The following SKA2 variants were observed in gnomAD, a reference collection of about 807,000 sequenced individuals.
SKA2 encodes the protein spindle and kinetochore-associated protein 2.
A neutral mutation model predicts 16.9 loss-of-function variants in SKA2; 13 were observed. The ratio of observed to expected loss-of-function variants is 0.77; its 90% confidence interval spans 0.50 to 1.22. SKA2 has a LOEUF of 1.22. SKA2 is among the 50% of genes most tolerant of loss of function. The pLI is 0.00. For synonymous variants in SKA2, 47 were observed against 48.5 expected (o/e 0.97, Z 0.13); for missense variants, 107 against 139.7 (o/e 0.77, Z 1.18).
chr17:59,150,084 CTG>C (rs1018037525), intron 1 of SKA2, among the ~76,000 whole-genome samples: 5 of 152,268 alleles, frequency 3.3e-5, no homozygotes, highest in African/African-American at 1.2e-4. Flanking sequence ...GGTTACATGA[CTG>C]TATACATTTG....
intron 2 of SKA2, chr17:59,129,358 T>TAC (rs57908900): frequency 0.27 from 36,846 of 136,626 alleles, 5,059 homozygotes; most frequent in Middle Eastern, 0.39. Flanking sequence ...TAAACACACA[T>TAC]ACACACACAC....
At chr17:59,139,548 C>T (rs1407227233) in intron 1 of SKA2, among the ~76,000 whole-genome samples, 1 of 151,774 alleles carries the variant, frequency 6.6e-6, no homozygotes, top group East Asian at 1.9e-4. Flanking sequence ...TGAGTGCTCA[C>T]TATGTTGCCC....
chr17:59,116,435 TTTC>T (rs2046296573), intron 3 of SKA2, among the ~76,000 whole-genome samples: 1 of 152,184 alleles, frequency 6.6e-6, no homozygotes, highest in Non-Finnish European at 1.5e-5. Flanking sequence ...TGTCTTTTTT[TTTC>T]TTCTTTTGTC....
intron 1 of SKA2, among the ~76,000 whole-genome samples, chr17:59,142,721 G>T (rs1485209968): frequency 6.6e-6 from 1 of 151,594 alleles, no homozygotes; most frequent in African/African-American, 2.4e-5. Context: ...GAGGTCAGAG[G>T]TTCAAGGCCA....
intron 1 of SKA2, among the ~76,000 whole-genome samples, chr17:59,147,849 T>A (rs1297897580): frequency 6.6e-6 from 1 of 151,834 alleles, no homozygotes; most frequent in African/African-American, 2.4e-5. Context: ...AAAAAAAATT[T>A]TTTTTTTATT....
chr17:59,154,702 G>T (rs1401550113), intron 1 of SKA2, among the ~76,000 whole-genome samples: 1 of 152,034 alleles, frequency 6.6e-6, no homozygotes. Context: ...ATTTCTCCTC[G>T]CCCCCGTCAG....
At chr17:59,145,135 A>G (rs900421202) in intron 1 of SKA2, among the ~76,000 whole-genome samples, 4 of 152,172 alleles carry the variant, frequency 2.6e-5, no homozygotes, top group African/African-American at 7.2e-5. Context: ...GGTTATGGAG[A>G]TGGATGATGG....
At chr17:59,134,488 T>A (rs2046430675) in intron 1 of SKA2, among the ~76,000 whole-genome samples, 1 of 152,172 alleles carries the variant, frequency 6.6e-6, no homozygotes, top group Admixed American at 6.6e-5. Flanking sequence ...AACTTACATA[T>A]TTTTTAACTT....
At chr17:59,155,014 C>T (rs1599685509) in intron 1 of SKA2, 117 bp downstream of exon 1, 1 of 1,613,994 alleles carries the variant, frequency 6.2e-7, no homozygotes, top group East Asian at 2.2e-5. Context: ...GGAGGGAACT[C>T]GACTCTGGTC....
chr17:59,119,638 C>G, intron 2 of SKA2, 143 bp from the exon 3 acceptor site: 2 of 734,496 alleles, frequency 2.7e-6, no homozygotes. Context: ...CACATGACAT[C>G]AGATGGGAGG....
chr17:59,118,827 T>C (rs1461010419), intron 3 of SKA2, among the ~76,000 whole-genome samples: 1 of 152,222 alleles, frequency 6.6e-6, no homozygotes, highest in Non-Finnish European at 1.5e-5. Context: ...TAATTAACCT[T>C]TCTGATTTAC....
At chr17:59,127,404 CT>C (rs2046378953) in intron 2 of SKA2, among the ~76,000 whole-genome samples, 1 of 151,948 alleles carries the variant, frequency 6.6e-6, no homozygotes, top group Non-Finnish European at 1.5e-5. Flanking sequence ...CTTTTCTTTT[CT>C]TTTGAGACAG....
chr17:59,120,110 G>A (rs371181073), intron 2 of SKA2, among the ~76,000 whole-genome samples: 4 of 151,906 alleles, frequency 2.6e-5, no homozygotes, highest in Admixed American at 6.6e-5. Flanking sequence ...GGGTTTCACC[G>A]TGTTAGCAAG....
chr17:59,126,172 AAATAAATAAATG>A (rs1251922154), intron 2 of SKA2, among the ~76,000 whole-genome samples: 2 of 146,916 alleles, frequency 1.4e-5, no homozygotes, highest in Non-Finnish European at 3.0e-5. Context: ...CTCCGTCTCA[AAATAAATAAATG>A]AATAAATAAA....
chr17:59,115,969 A>T (rs1423093422), intron 3 of SKA2, among the ~76,000 whole-genome samples: 2 of 151,966 alleles, frequency 1.3e-5, no homozygotes, highest in African/African-American at 4.8e-5. Flanking sequence ...TTTTCTATTT[A>T]TTATTATATA....
At chr17:59,139,289 C>A (rs758766332) in intron 1 of SKA2, among the ~76,000 whole-genome samples, 36 of 149,562 alleles carry the variant, frequency 2.4e-4, no homozygotes, top group Non-Finnish European at 4.4e-4. Flanking sequence ...TCCAGATACT[C>A]GGGAGGCTGG....
At position 59,127,935 on chromosome 17, in the gene SKA2, G is replaced by A. The variant is rs1326480937; in HGVS notation, c.120+3346C>T. Among the ~76,000 whole-genome samples the A allele has an allele frequency of 2.0e-5, 3 of 152,090 alleles. No homozygotes were observed. The East Asian group carries it at 5.8e-4, about 29-fold the overall frequency. On this transcript the variant is annotated intron_variant, in intron 2 of 3. Coordinates refer to ENST00000330137, the MANE Select transcript of SKA2 (RefSeq NM_182620.4). ...ATGACTGGATAAGAAAATGGAGTAT[G>A]GGCCGGGCACGGTGGCTCACACCTG... is the stretch of plus-strand genomic sequence containing the variant.
At chr17:59,133,385 C>T (rs1208445961) in intron 1 of SKA2, among the ~76,000 whole-genome samples, 1 of 152,138 alleles carries the variant, frequency 6.6e-6, no homozygotes, top group African/African-American at 2.4e-5. Context: ...TATAACTGTC[C>T]TTAGAGTTTA....
At chr17:59,115,781 G>GC (rs2046292399) in intron 3 of SKA2, among the ~76,000 whole-genome samples, 1 of 152,052 alleles carries the variant, frequency 6.6e-6, no homozygotes, top group Admixed American at 6.6e-5. Flanking sequence ...AATCCACATT[G>GC]CCCCTTGTGA....
Sources: gnomAD v4.1 joint callset for allele counts (sites outside exome capture counted in the v4.1 genomes callset) on GRCh38, gnomAD v4.1.1 for gene constraint, MANE v1.5 for transcripts, NCBI Gene and HGNC (gene_info 2026-07-23, HGNC 2026-07-21) for gene names.